Variants in MCM5 observed in about 807,000 individuals in gnomAD.
The protein encoded by MCM5 is DNA replication licensing factor MCM5.
Under a neutral mutation model 79.9 loss-of-function variants are expected in MCM5, and 46 were observed. The ratio of observed to expected loss-of-function variants is 0.58; its 90% CI spans 0.45 to 0.74. The LOEUF is 0.74. Ranked by LOEUF, MCM5 falls within the 30% of genes least tolerant of loss-of-function variation. The pLI is 0.00. For synonymous variants in MCM5, 404 were observed against 390.5 expected (o/e 1.03, Z -0.41); for missense variants, 883 against 1,017.0 (o/e 0.87, Z 1.79).
chr22:35,452,614 C>G, the MCM5 span, among the ~76,000 whole-genome samples: 1 of 152,166 alleles, frequency 6.6e-6, no homozygotes, highest in Non-Finnish European at 1.5e-5. Flanking sequence ...ACTTTCTGTA[C>G]TAGCTGTAAA....
rs770810633 is a variant in MCM5 at position 35,423,315 on chromosome 22, A to G, written c.2077A>G (p.Ser693Gly). ...FAIGSQVSEH[S>G]IIKDFTKQKY... Reference sequence around the variant, plus strand: ...CATTGGCTCCCAGGTGTCTGAGCACAGCATCATCAAGGACTTCACCAAGCA... The same window carrying G: ...CATTGGCTCCCAGGTGTCTGAGCACGGCATCATCAAGGACTTCACCAAGCA... Residue 693 changes from serine (S) to glycine (G), a missense_variant, in exon 16 of 17, where the codon AGC becomes GGC. Coordinates refer to ENST00000216122, the MANE Select transcript of MCM5 (RefSeq NM_006739.4). 4 of 1,607,062 alleles carry G rather than the reference A, an allele frequency of 2.5e-6. No individual in the cohort carries two copies. In the South Asian group the frequency reaches 3.3e-5, roughly 13 times the overall value.
At chr22:35,450,026 C>G in the MCM5 span, among the ~76,000 whole-genome samples, 1 of 152,184 alleles carries the variant, frequency 6.6e-6, no homozygotes, top group African/African-American at 2.4e-5. Flanking sequence ...TCAAGCAATC[C>G]TCCTGCCTCA....
intron 5 of MCM5, 24 bp from the exon 6 acceptor site, chr22:35,408,384 A>G (rs1569065330): frequency 1.3e-6 from 2 of 1,592,640 alleles, no homozygotes; most frequent in East Asian, 4.5e-5. Context: ...AGCTTTGGTG[A>G]CTCTTTTCCC....
chr22:35,417,799 C>A lies in MCM5; in HGVS notation c.1646C>A (p.Ala549Asp), dbSNP rs1932587171. 2 of 1,614,196 alleles carry A rather than the reference C, an allele frequency of 1.2e-6. No individual in the cohort carries two copies. The highest frequency in any genetic ancestry group is 1.7e-6 in the Non-Finnish European group (2 of 1,180,022). Reference protein sequence around the residue: ...LHVSALTQTQAVEGEIDLAKL... With the variant: ...LHVSALTQTQDVEGEIDLAKL... ...GTGAGCGCACTGACACAGACACAGG[C>A]TGTGGAGGGCGAGATTGACCTGGCC... Residue 549 changes from alanine (A) to aspartate (D), a missense_variant, in exon 13 of 17, where the codon GCT becomes GAT. Ala to Asp is a moderately radical substitution (Grantham distance 126). This residue lies in a region of MCM5 where 426 missense variants were observed against 482.3 expected (regional missense o/e 0.88). Transcript: ENST00000216122.
chr22:35,419,759 T>C, intron 13 of MCM5, 125 bp from the exon 14 acceptor site: 1 of 945,102 alleles, frequency 1.1e-6, no homozygotes, highest in Non-Finnish European at 1.5e-6. Flanking sequence ...CCAGCCCATA[T>C]GAGTGGGCAG....
intron 14 of MCM5, 54 bp from the exon 15 acceptor site, chr22:35,421,264 G>A (rs2071743): frequency 0.086 from 135,658 of 1,572,698 alleles, 6,245 homozygotes; most frequent in East Asian, 0.12. Context: ...GGCTGGCTGG[G>A]GAGGAAGGGA....
the MCM5 span, among the ~76,000 whole-genome samples, chr22:35,436,312 A>T: frequency 6.6e-6 from 1 of 152,078 alleles, no homozygotes; most frequent in Non-Finnish European, 1.5e-5. Context: ...TGGGCCCCAG[A>T]GGCTTCATGC....
rs1054497602 is a variant in MCM5 at position 35,408,023 on chromosome 22, G to C, written c.597-385G>C. ...AGGCTTAGACCCTCAGAATGGTCTA[G>C]AACTGCCTAGAATCCCACTGGAAAA... On this transcript the variant is annotated intron_variant, in intron 5 of 16. Transcript: ENST00000216122. Among the ~76,000 whole-genome samples, 12 of 152,334 alleles carry C rather than the reference G, an allele frequency of 7.9e-5. 2 individuals carry two copies. The South Asian group carries it at 2.5e-3, about 32-fold the overall frequency.
At chr22:35,422,848 ACTCT>A (rs1205131774) in intron 15 of MCM5, 3 of 162,060 alleles carry the variant, frequency 1.9e-5, no homozygotes, top group Non-Finnish European at 4.0e-5. Flanking sequence ...GCCCCTTCCA[ACTCT>A]CTCTCTAATC....
intron 15 of MCM5, 42 bp downstream of exon 15, chr22:35,421,502 C>G: frequency 6.2e-7 from 1 of 1,613,030 alleles, no homozygotes; most frequent in Non-Finnish European, 8.5e-7. Context: ...GATCTGGGTT[C>G]CCTGGCTCGG....
At position 35,414,020 on chromosome 22, in the gene MCM5, T is replaced by C. The variant is rs143068712; in HGVS notation, c.1203+34T>C. On this transcript the variant is annotated intron_variant, in intron 9 of 16. Coordinates refer to ENST00000216122, the MANE Select transcript of MCM5 (RefSeq NM_006739.4). ...CCTGGGATACCTTTGCCACCTTGGC[T>C]TGCAGGGAGGAAGGCTGCAGGGCAG... The C allele has an allele frequency of 9.0e-4, 1,326 of 1,472,084 alleles. 17 individuals carry two copies. In the African/African-American group the frequency reaches 0.013, roughly 15 times the overall value. 91.2% of individuals were successfully genotyped at this position (1,472,084 alleles called of 1,614,324 possible). A position where few individuals can be genotyped will look rare whatever the true frequency, so the allele number is the denominator to read the frequency against.
intron 1 of MCM5, 105 bp from the exon 2 acceptor site, chr22:35,400,326 C>G: frequency 7.6e-7 from 1 of 1,314,892 alleles, no homozygotes; most frequent in South Asian, 1.2e-5. Context: ...GGAGCGCGGC[C>G]GGGGGTCCCC....
chr22:35,417,171 G>C (rs555080410), intron 12 of MCM5, among the ~76,000 whole-genome samples: 1 of 152,316 alleles, frequency 6.6e-6, no homozygotes, highest in South Asian at 2.1e-4. Context: ...AAACATAGTG[G>C]TTTATAGAAT....
Position 35,415,809 on chromosome 22 carries a change from A to G in MCM5, c.1204-20A>G. On this transcript the variant is annotated intron_variant, in intron 9 of 16. Transcript: ENST00000216122. ...AGCATGGAGTTGTTATTGGGCCCTG[A>G]CACCACCCCACTGCCCCAGGTATAC... is the stretch of plus-strand genomic sequence containing the variant. The G allele has an allele frequency of 6.2e-7, 1 of 1,605,332 alleles. No homozygotes were observed. The highest frequency in any genetic ancestry group is 1.1e-5 in the South Asian group (1 of 90,902).
chr22:35,450,329 T>TG, the MCM5 span, among the ~76,000 whole-genome samples: 3 of 53,592 alleles, frequency 5.6e-5, no homozygotes, highest in African/African-American at 4.1e-4. Context: ...GAAGGAAAAC[T>TG]GCCCCCGGGA....
At chr22:35,411,701 C>T (rs371122613) in intron 7 of MCM5, among the ~76,000 whole-genome samples, 1 of 152,228 alleles carries the variant, frequency 6.6e-6, no homozygotes, top group South Asian at 2.1e-4. Context: ...CCATGGCCCA[C>T]CCCACATTTA....
chr22:35,414,736 A>G (rs1932491340), intron 9 of MCM5, among the ~76,000 whole-genome samples: 1 of 152,154 alleles, frequency 6.6e-6, no homozygotes, highest in South Asian at 2.1e-4. Context: ...GGCAGGTACT[A>G]TTACCCCTGT....
intron 13 of MCM5, among the ~76,000 whole-genome samples, chr22:35,419,068 T>G (rs1932626277): frequency 6.6e-6 from 1 of 152,154 alleles, no homozygotes; most frequent in Non-Finnish European, 1.5e-5. Flanking sequence ...GGGTCCCTGA[T>G]TCAGCACCTC....
At chr22:35,449,511 G>A in the MCM5 span, among the ~76,000 whole-genome samples, 1 of 151,396 alleles carries the variant, frequency 6.6e-6, no homozygotes, top group African/African-American at 2.4e-5. Flanking sequence ...CTGCCCAGCC[G>A]TGGCTTCTCT....
Sources: allele counts gnomAD v4.1 joint callset (sites outside exome capture counted in the v4.1 genomes callset), GRCh38; gene constraint gnomAD v4.1.1; regional missense constraint gnomAD v4.1.1; transcripts MANE v1.5; gene names NCBI Gene and HGNC (gene_info 2026-07-23, HGNC 2026-07-21).